Variants in MYO10 observed in about 807,000 individuals in gnomAD.
MYO10 encodes the protein unconventional myosin-X.
In MYO10, 133 loss-of-function variants were observed where a neutral mutation model predicts 257.3. The observed-to-expected ratio is 0.52, with a 90% CI of 0.45 to 0.60. The LOEUF (loss-of-function observed/expected upper bound fraction) is 0.60. Ranked by LOEUF, MYO10 falls within the 20% of genes least tolerant of loss-of-function variation. MYO10 has a pLI of 0.00. For synonymous variants in MYO10, 1,104 were observed against 1,028.6 expected (o/e 1.07, Z -1.40); for missense variants, 2,399 against 2,635.7 (o/e 0.91, Z 1.97).
In MYO10 at chr5:16,794,740, G is replaced by A; in HGVS notation, c.373C>T (p.His125Tyr). The change falls in exon 4 of 41, where the codon CAC becomes TAC. Residue 125 changes from histidine (H) to tyrosine (Y), a missense_variant. By Grantham distance (83) the His-to-Tyr change is moderately conservative. Coordinates refer to ENST00000513610, the MANE Select transcript of MYO10 (RefSeq NM_012334.3). ...ATGTGCGGGGGCAGCTCGCCCAGGT[G>A]GCGCCGGCTGTACTGCTCCATGGTG... is the stretch of plus-strand genomic sequence containing the variant. ...PATMEQYSRR[H>Y]LGELPPHIFA... The A allele has an allele frequency of 6.2e-7, 1 of 1,613,050 alleles. No individual in the cohort carries two copies. Among genetic ancestry groups the A allele is most frequent in the Non-Finnish European group, 8.5e-7 (1 of 1,179,550 alleles).
chr5:16,824,087 T>C (rs990469327), intron 2 of MYO10, among the ~76,000 whole-genome samples: 1 of 152,084 alleles, frequency 6.6e-6, no homozygotes, highest in African/African-American at 2.4e-5. Context: ...ACTGAAAACA[T>C]AACTTGGAGA....
chr5:16,847,783 G>A (rs1487467718), intron 2 of MYO10, among the ~76,000 whole-genome samples: 2 of 152,160 alleles, frequency 1.3e-5, no homozygotes, highest in Non-Finnish European at 2.9e-5. Context: ...CTACTCAAGA[G>A]GCTGATGCAG....
chr5:16,857,591 T>C (rs112478233), intron 2 of MYO10, among the ~76,000 whole-genome samples: 2,460 of 152,310 alleles, frequency 0.016, 81 homozygotes, highest in African/African-American at 0.056. Context: ...AAGCTCTGGA[T>C]TGAGACCTAG....
In MYO10 at chr5:16,742,320, G is replaced by A. The variant is rs899476197; in HGVS notation, c.1929+12508C>T. On this transcript the variant is annotated intron_variant, in intron 19 of 40. Coordinates refer to ENST00000513610, the MANE Select transcript of MYO10 (RefSeq NM_012334.3). The stretch of plus-strand genomic sequence containing the variant: ...ACAACTTGGTAAACAGGATGGAAGT[G>A]ACCACTGAGGGCTTTACTGGGATTG... 41 of 832,538 alleles carry A rather than the reference G, an allele frequency of 4.9e-5. No homozygotes were observed. The South Asian group carries it at 8.8e-4, about 18-fold the overall frequency. 51.6% of individuals were successfully genotyped at this position (832,538 alleles called of 1,614,324 possible). A position where few individuals can be genotyped will look rare whatever the true frequency, so the allele number is the denominator to read the frequency against.
intron 19 of MYO10, among the ~76,000 whole-genome samples, chr5:16,743,894 A>C (rs567278853): frequency 2.6e-5 from 4 of 152,348 alleles, no homozygotes; most frequent in Admixed American, 2.0e-4. Flanking sequence ...ATTATAACAA[A>C]TGTACCACAT....
chr5:16,717,985 A>G (rs1738950476), intron 19 of MYO10, among the ~76,000 whole-genome samples: 2 of 152,208 alleles, frequency 1.3e-5, no homozygotes, highest in African/African-American at 2.4e-5. Context: ...GGCTGCGTGC[A>G]GCGCTTGCGG....
At chr5:16,831,826 C>A (rs1028966999) in intron 2 of MYO10, among the ~76,000 whole-genome samples, 1 of 152,214 alleles carries the variant, frequency 6.6e-6, no homozygotes, top group Non-Finnish European at 1.5e-5. Context: ...CACTAAAGAA[C>A]TTATTCATAT....
In MYO10 at chr5:16,674,851, A is replaced by T; in HGVS notation, c.4964+2T>A. 6.2e-7 allele frequency: 1 copy of T among 1,613,694 alleles called. No homozygotes were observed. On this transcript the variant is annotated splice_donor_variant, in intron 35 of 40. Transcript: ENST00000513610. LOFTEE classifies it high-confidence loss of function. ...CTCATCTCCCGTGCCCCCATGCTTT[A>T]CCTTTTCAGATGGAACTTGAGATAC...
In MYO10 at chr5:16,779,652, CAG is replaced by C; in HGVS notation, c.827-6_827-5del. 1 of 1,556,302 alleles carries C rather than the reference CAG, an allele frequency of 6.4e-7. No individual in the cohort carries two copies. The highest frequency in any genetic ancestry group is 8.8e-7 in the Non-Finnish European group (1 of 1,138,310). On this transcript the variant is annotated splice_region_variant and splice_polypyrimidine_tract_variant and intron_variant, in intron 8 of 40. Transcript: ENST00000513610. ...GGCGTAGATAAATAAAATTCTTCTACAGAAAGACAAAAACATGATGTCACAGT... is the reference window on the plus strand; with the variant it reads ...GGCGTAGATAAATAAAATTCTTCTACAAAGACAAAAACATGATGTCACAGT...
intron 2 of MYO10, among the ~76,000 whole-genome samples, chr5:16,845,497 G>A (rs1222035290): frequency 6.6e-6 from 1 of 151,882 alleles, no homozygotes; most frequent in East Asian, 1.9e-4. Flanking sequence ...CGAGACTCAC[G>A]CCTCTTAAAA....
At chr5:16,810,541 C>T (rs944231439) in intron 3 of MYO10, among the ~76,000 whole-genome samples, 1 of 152,152 alleles carries the variant, frequency 6.6e-6, no homozygotes, top group Non-Finnish European at 1.5e-5. Context: ...GCCTATAAAT[C>T]CCAGCACTTT....
intron 4 of MYO10, among the ~76,000 whole-genome samples, chr5:16,789,922 C>T (rs930964231): frequency 5.3e-5 from 8 of 152,130 alleles, no homozygotes; most frequent in African/African-American, 9.7e-5. Flanking sequence ...ACAGAAAATG[C>T]CTCTTGGGCC....
chr5:16,849,207 A>T (rs1345114638), intron 2 of MYO10, among the ~76,000 whole-genome samples: 1 of 152,160 alleles, frequency 6.6e-6, no homozygotes, highest in Non-Finnish European at 1.5e-5. Context: ...CATAACATAC[A>T]TTTACTGATT....
intron 2 of MYO10, among the ~76,000 whole-genome samples, chr5:16,866,058 C>CACACAA (rs1491356491): frequency 3.4e-4 from 45 of 131,628 alleles, no homozygotes; most frequent in African/African-American, 1.2e-3. Context: ...CACACACACA[C>CACACAA]AAAACAATAG....
At chr5:16,828,527 G>A (rs1743066751) in intron 2 of MYO10, among the ~76,000 whole-genome samples, 1 of 151,444 alleles carries the variant, frequency 6.6e-6, no homozygotes. Flanking sequence ...GGCTGAGGCA[G>A]GGGAATCACT....
intron 19 of MYO10, among the ~76,000 whole-genome samples, chr5:16,725,782 AC>A (rs1330216249): frequency 8.4e-6 from 1 of 119,376 alleles, no homozygotes; most frequent in East Asian, 2.5e-4. Flanking sequence ...AGCAACAGGT[AC>A]CCCCTTTTTT....
At chr5:16,873,877 C>G (rs1744516575) in intron 2 of MYO10, among the ~76,000 whole-genome samples, 1 of 152,160 alleles carries the variant, frequency 6.6e-6, no homozygotes, top group South Asian at 2.1e-4. Context: ...GCCCGGCCCA[C>G]TAAACCATTT....
At position 16,733,152 on chromosome 5, in the gene MYO10, AAAC is replaced by A. The variant is rs370186871; in HGVS notation, c.1929+21673_1929+21675del. Among the ~76,000 whole-genome samples, 1,213 of 152,188 alleles carry A rather than the reference AAAC, an allele frequency of 8.0e-3. 16 individuals carry two copies. Among genetic ancestry groups the A allele is most frequent in the African/African-American group, 0.024 (1,001 of 41,506 alleles). On this transcript the variant is annotated intron_variant, in intron 19 of 40. Coordinates refer to ENST00000513610, the MANE Select transcript of MYO10 (RefSeq NM_012334.3). ...CCATCTCAGAAAAAACAAAACAAAC[AAAC>A]AACAACAACAACAAAAATACACACA...
At chr5:16,760,047 A>AT (rs35869127) in intron 17 of MYO10, among the ~76,000 whole-genome samples, 35,222 of 151,862 alleles carry the variant, frequency 0.23, 4,248 homozygotes, top group Non-Finnish European at 0.25. Context: ...TTCCTTAGAT[A>AT]TAAACATGTG....
Sources: allele counts gnomAD v4.1 joint callset (sites outside exome capture counted in the v4.1 genomes callset), GRCh38; gene constraint gnomAD v4.1.1; transcripts MANE v1.5; gene names NCBI Gene and HGNC (gene_info 2026-07-23, HGNC 2026-07-21).